FILIP1L: variants seen among roughly 807,000 people sequenced by gnomAD.
The protein encoded by FILIP1L is filamin A interacting protein 1 like, also known as filamin A-interacting protein 1-like.
In FILIP1L, 55 loss-of-function variants were observed where a neutral mutation model predicts 96.6. The observed-to-expected ratio is 0.57, with a 90% CI of 0.46 to 0.71. FILIP1L has a LOEUF of 0.71. FILIP1L is among the 30% of genes least tolerant of loss of function. FILIP1L has a pLI of 0.00. For synonymous variants in FILIP1L, 467 were observed against 473.9 expected (o/e 0.99, Z 0.19); for missense variants, 1,304 against 1,321.2 (o/e 0.99, Z 0.20).
intron 1 of FILIP1L, among the ~76,000 whole-genome samples, chr3:100,078,322 G>A (rs1280594750): frequency 5.9e-5 from 9 of 152,046 alleles, no homozygotes; most frequent in Admixed American, 2.0e-4. Flanking sequence ...CAGAGAAAAC[G>A]TAGAACTTTG....
intron 1 of FILIP1L, among the ~76,000 whole-genome samples, chr3:100,029,464 C>T (rs1368203930): frequency 4.6e-5 from 7 of 152,016 alleles, no homozygotes; most frequent in Admixed American, 2.0e-4. Flanking sequence ...GCAACCTTTG[C>T]CAAGTTACTA....
intron 1 of FILIP1L, among the ~76,000 whole-genome samples, chr3:99,945,167 C>T (rs1475758321): frequency 2.0e-5 from 3 of 152,150 alleles, no homozygotes; most frequent in East Asian, 1.9e-4. Context: ...CCTATGAGTT[C>T]GGGTTAAGTC....
intron 4 of FILIP1L, among the ~76,000 whole-genome samples, chr3:99,861,551 T>C (rs1280054161): frequency 6.6e-6 from 1 of 152,184 alleles, no homozygotes; most frequent in Non-Finnish European, 1.5e-5. Context: ...CTCTCTGCAG[T>C]TGATTTTGTA....
At chr3:100,056,558 C>T (rs561428258) in intron 1 of FILIP1L, among the ~76,000 whole-genome samples, 17 of 152,234 alleles carry the variant, frequency 1.1e-4, no homozygotes, top group African/African-American at 4.1e-4. Flanking sequence ...TGCTGCTAGC[C>T]CTTACTGGCT....
At chr3:99,953,718 A>G (rs1708243097) in intron 1 of FILIP1L, among the ~76,000 whole-genome samples, 1 of 152,252 alleles carries the variant, frequency 6.6e-6, no homozygotes, top group African/African-American at 2.4e-5. Context: ...CTTTTCATAG[A>G]TAATGAAACC....
At chr3:99,928,755 G>A (rs1707377713) in intron 3 of FILIP1L, among the ~76,000 whole-genome samples, 2 of 152,174 alleles carry the variant, frequency 1.3e-5, no homozygotes, top group South Asian at 4.1e-4. Flanking sequence ...GGGAATTTGT[G>A]CCTGACACTG....
At chr3:99,891,036 G>T (rs143310051) in intron 4 of FILIP1L, among the ~76,000 whole-genome samples, 2 of 151,440 alleles carry the variant, frequency 1.3e-5, no homozygotes, top group Non-Finnish European at 2.9e-5. Flanking sequence ...GGATCTTTGG[G>T]ATTTTTTTCT....
chr3:99,876,041 T>A (rs2107594432), intron 4 of FILIP1L: 1 of 985,578 alleles, frequency 1.0e-6, no homozygotes, highest in Non-Finnish European at 1.2e-6. Context: ...CAGTGCCCCT[T>A]GGTGGAGCGA....
intron 1 of FILIP1L, among the ~76,000 whole-genome samples, chr3:99,991,877 C>CATATATAT (rs1319545183): frequency 2.1e-5 from 3 of 145,420 alleles, no homozygotes; most frequent in Admixed American, 6.8e-5. Flanking sequence ...TATATACACA[C>CATATATAT]ATATATGTAT....
intron 1 of FILIP1L, among the ~76,000 whole-genome samples, chr3:99,955,363 T>G (rs1362745157): frequency 1.3e-5 from 2 of 152,104 alleles, no homozygotes; most frequent in East Asian, 3.8e-4. Flanking sequence ...GAAAGATACC[T>G]ACAACATTTT....
At chr3:99,861,280 C>T (rs529371370) in intron 4 of FILIP1L, among the ~76,000 whole-genome samples, 30 of 152,288 alleles carry the variant, frequency 2.0e-4, no homozygotes, top group Admixed American at 2.6e-4. Context: ...CCCCTTAATC[C>T]TCCAAAGCCT....
intron 4 of FILIP1L, among the ~76,000 whole-genome samples, chr3:99,900,925 G>C (rs964343741): frequency 1.3e-4 from 20 of 152,230 alleles, no homozygotes; most frequent in African/African-American, 4.8e-4. Context: ...GAGTATGCCT[G>C]AGGGGAAGGG....
rs55727823 is a variant in FILIP1L, at chr3:99,872,269, CTGTGTGTGTGTGTGTGTGTGTGTGTG to C, written c.606-21225_606-21200del. On this transcript the variant is annotated intron_variant, in intron 4 of 5. Transcript: ENST00000477258. ...ATTCTGTGGATATTCTGTGCCAGGA[CTGTGTGTGTGTGTGTGTGTGTGTGTG>C]TGTGTGTGTGTGTGTGTGTGTGTGT... Among the ~76,000 whole-genome samples, 26 of 110,822 alleles carry C rather than the reference CTGTGTGTGTGTGTGTGTGTGTGTGTG, an allele frequency of 2.3e-4. 1 individual carries two copies. The East Asian group carries it at 3.2e-3, about 14-fold the overall frequency. The allele number at this position is 110,822 out of a possible 152,430, so 72.7% of individuals were successfully genotyped here.
chr3:99,849,652 T>G lies in FILIP1L; in HGVS notation c.2024A>C (p.Lys675Thr). Residue 675 changes from lysine (K) to threonine (T), a missense_variant, in exon 5 of 6, where the codon AAA becomes ACA. Lys to Thr is a moderately conservative substitution (Grantham distance 78). Coordinates refer to ENST00000477258, the MANE Select transcript of FILIP1L (RefSeq NM_001387850.1). ...NERDKAQFLS[K>T]ELEHVKMELA... ...TTCCATTTTAACATGTTCTAGCTCT[T>G]TAGATAAAAATTGAGCTTTGTCTCG... 1.2e-6 allele frequency: 2 copies of G among 1,613,406 alleles called. No individual in the cohort carries two copies. Among genetic ancestry groups the G allele is most frequent in the Non-Finnish European group, 1.7e-6 (2 of 1,179,926 alleles).
chr3:99,835,576 G>A (rs1942864176), intron 5 of FILIP1L, among the ~76,000 whole-genome samples: 1 of 152,194 alleles, frequency 6.6e-6, no homozygotes, highest in Admixed American at 6.5e-5. Flanking sequence ...CTGTTAGGAT[G>A]CAGAATCCCT....
chr3:99,994,514 A>G (rs964439086), intron 1 of FILIP1L, among the ~76,000 whole-genome samples: 2 of 152,230 alleles, frequency 1.3e-5, no homozygotes, highest in African/African-American at 4.8e-5. Context: ...ATTTTTAAAA[A>G]TCAAAATCAT....
rs898751576 is a variant in FILIP1L at position 99,862,168 on chromosome 3, A to G, written c.606-11098T>C. On this transcript the variant is annotated intron_variant, in intron 4 of 5. Transcript: ENST00000477258. Reference sequence around the variant, plus strand: ...GCCATTCCACAATATCTAGATATATAAAAACATCATGTTATAGGCCCTAAA... The same window carrying G: ...GCCATTCCACAATATCTAGATATATGAAAACATCATGTTATAGGCCCTAAA... Among the ~76,000 whole-genome samples, 7 of 152,316 alleles carry G rather than the reference A, an allele frequency of 4.6e-5. No homozygotes were observed. The South Asian group carries it at 6.2e-4, about 14-fold the overall frequency.
In FILIP1L at chr3:99,842,720, G is replaced by A. The variant is rs930782105; in HGVS notation, c.3381+5575C>T. On this transcript the variant is annotated intron_variant, in intron 5 of 5. Transcript: ENST00000477258. ...CCACAAATAAAAGTGATTATCCCTG[G>A]AATGGCTGACTGCAATGCCAAAGGT... Among the ~76,000 whole-genome samples the A allele has an allele frequency of 3.9e-5, 6 of 152,294 alleles. No individual in the cohort carries two copies. The South Asian group carries it at 1.2e-3, about 32-fold the overall frequency.
At chr3:99,930,735 G>T in intron 2 of FILIP1L, 34 bp downstream of exon 2, 1 of 1,605,742 alleles carries the variant, frequency 6.2e-7, no homozygotes, top group Non-Finnish European at 8.5e-7. Context: ...CCTTCTGTTT[G>T]AAGCATGATG....
Sources: allele counts gnomAD v4.1 joint callset (sites outside exome capture counted in the v4.1 genomes callset), GRCh38; gene constraint gnomAD v4.1.1; transcripts MANE v1.5; gene names NCBI Gene and HGNC (gene_info 2026-07-23, HGNC 2026-07-21).